GRK1: variants seen among roughly 807,000 people sequenced by gnomAD.
The protein encoded by GRK1 is rhodopsin kinase GRK1.
In GRK1, 28 loss-of-function variants were observed where a neutral mutation model predicts 41.7. The ratio of observed to expected loss-of-function variants is 0.67; its 90% confidence interval spans 0.50 to 0.92. The LOEUF (loss-of-function observed/expected upper bound fraction) is 0.92, where lower values mean the gene tolerates loss of function less well. Among genes scored for constraint, GRK1 ranks in the 40% least tolerant of loss-of-function variants. The pLI, the probability that GRK1 is intolerant of heterozygous loss-of-function variation, is 0.00. For synonymous variants in GRK1, 327 were observed against 286.7 expected, an observed-to-expected ratio of 1.14 and a Z score of -1.42; for missense variants, 703 against 671.2, an observed-to-expected ratio of 1.05 and a Z score of -0.52.
At chr13:113,666,578 C>T (rs2049820736), upstream of GRK1, among the ~76,000 whole-genome samples, 1 of 152,088 alleles carries the variant, frequency 6.6e-6, no homozygotes, top group African/African-American at 2.4e-5. Flanking sequence ...CATATGCGTC[C>T]CTCTGAGTGG....
intron 4 of GRK1, among the ~76,000 whole-genome samples, chr13:113,724,403 G>C (rs1223574079): frequency 6.6e-6 from 1 of 152,224 alleles, no homozygotes; most frequent in East Asian, 1.9e-4. Flanking sequence ...GGTTGTTTTG[G>C]CTGTGGGGAG....
At chr13:113,723,271 TG>T (rs1487144472) in intron 4 of GRK1, 114 bp downstream of exon 4, 2 of 540,698 alleles carry the variant, frequency 3.7e-6, no homozygotes, top group Non-Finnish European at 6.9e-6. Context: ...TAGGTGTGTC[TG>T]TGTGCACATG....
chr13:113,659,684 C>T, the GRK1 span, among the ~76,000 whole-genome samples: 1 of 152,136 alleles, frequency 6.6e-6, no homozygotes, highest in Non-Finnish European at 1.5e-5. Flanking sequence ...CCTCCCACCT[C>T]GGCCTCCCAA....
In GRK1 at chr13:113,669,691, C is replaced by T; in HGVS notation, c.704C>T (p.Ala235Val). ...RLKKRKGYQG[A>V]MVEKKILMKV... is the part of the protein sequence containing the mutation. ...ACTCAGCGTCTCACTTTTCAGGGTG[C>T]TATGGTGGAGAAGAAGATTCTGATG... Residue 235 changes from alanine (A) to valine (V), a missense_variant, in exon 2 of 7, where the codon GCT (alanine) becomes GTT (valine). Coordinates refer to ENST00000335678, the MANE Select transcript of GRK1 (RefSeq NM_002929.3). 1.2e-6 allele frequency: 2 copies of T among 1,613,946 alleles called. No individual in the cohort carries two copies. The highest frequency in any genetic ancestry group is 1.7e-6 in the Non-Finnish European group (2 of 1,179,830).
the GRK1 span, chr13:113,654,906 A>G: frequency 5.0e-6 from 8 of 1,614,238 alleles, no homozygotes; most frequent in Non-Finnish European, 6.8e-6. Context: ...CCCAGTCATC[A>G]CCACGTAGAA....
At chr13:113,661,260 G>A in the GRK1 span, among the ~76,000 whole-genome samples, 1 of 151,986 alleles carries the variant, frequency 6.6e-6, no homozygotes, top group Non-Finnish European at 1.5e-5. Flanking sequence ...AGTCAAAAAG[G>A]AAGTTTCAAG....
the GRK1 span, chr13:113,651,659 G>A: frequency 6.6e-5 from 106 of 1,607,972 alleles, no homozygotes; most frequent in South Asian, 7.1e-4. Flanking sequence ...CCCGCCGCGC[G>A]GCCGTACTCA....
intron 6 of GRK1, among the ~76,000 whole-genome samples, chr13:113,733,501 G>A (rs1416621914): frequency 7.3e-6 from 1 of 137,272 alleles, no homozygotes; most frequent in African/African-American, 2.9e-5. Context: ...GTGTGTGTAT[G>A]TGTGTGCACG....
the GRK1 span, chr13:113,654,918 G>C: frequency 2.5e-6 from 4 of 1,614,198 alleles, no homozygotes; most frequent in South Asian, 3.3e-5. Flanking sequence ...CACGTAGAAG[G>C]CCACGTAGTA....
chr13:113,733,813 ACGTGTGTGCGTGTGTGTG>A (rs2049969071), intron 6 of GRK1, among the ~76,000 whole-genome samples: 1 of 68,768 alleles, frequency 1.5e-5, no homozygotes, highest in African/African-American at 5.9e-5. Context: ...CTGTGTGCAT[ACGTGTGTGCGTGTGTGTG>A]CACGTGCGTG....
chr13:113,649,318 G>A, the GRK1 span: 1 of 1,543,986 alleles, frequency 6.5e-7, no homozygotes, highest in Non-Finnish European at 8.8e-7. The surrounding 1 kb of genome is among the most constrained non-coding windows in gnomAD (Gnocchi z 4.7). Context: ...AGCCCAACCA[G>A]GAGGGTGTCC....
chr13:113,654,287 C>T, the GRK1 span, among the ~76,000 whole-genome samples: 2 of 152,242 alleles, frequency 1.3e-5, no homozygotes, highest in African/African-American at 2.4e-5. Flanking sequence ...TGCACTTGCT[C>T]TGCACACCGA....
At position 113,671,161 on chromosome 13, in the gene GRK1, C is replaced by A. The variant is rs193299253; in HGVS notation, c.828-338C>A. 6.6e-6 allele frequency among the ~76,000 whole-genome samples: 1 copy of A among 152,194 alleles called. No individual in the cohort carries two copies. Among genetic ancestry groups the A allele is most frequent in the Non-Finnish European group, 1.5e-5 (1 of 68,028 alleles). On this transcript the variant is annotated intron_variant, in intron 2 of 6. Transcript: ENST00000335678. This position sits in a 1 kb window ranked among gnomAD's most constrained non-coding sequence, Gnocchi z 4.1. ...ATGAGTCTGATGAACTTGGGGCCTG[C>A]GGAGCTGCATCCCACCTCGGCCTCG... is the stretch of plus-strand genomic sequence containing the variant.
chr13:113,657,370 G>C, the GRK1 span, among the ~76,000 whole-genome samples: 1 of 152,236 alleles, frequency 6.6e-6, no homozygotes, highest in African/African-American at 2.4e-5. Context: ...TAAGGGGTGA[G>C]GGCGTTTCCC....
intron 3 of GRK1, among the ~76,000 whole-genome samples, chr13:113,672,426 G>A (rs2049863906): frequency 7.0e-6 from 1 of 142,378 alleles, no homozygotes; most frequent in African/African-American, 2.9e-5. Flanking sequence ...GTGTGTTCGT[G>A]GTGTGGTGTG....
the GRK1 span, among the ~76,000 whole-genome samples, chr13:113,661,108 G>A: frequency 6.6e-6 from 1 of 152,198 alleles, no homozygotes; most frequent in East Asian, 1.9e-4. Context: ...GGGCCATAAA[G>A]GAAGTCTTAG....
intron 3 of GRK1, among the ~76,000 whole-genome samples, chr13:113,672,440 G>A (rs954410718): frequency 6.6e-6 from 1 of 152,190 alleles, no homozygotes; most frequent in Non-Finnish European, 1.5e-5. Context: ...TGGTGTGTGT[G>A]GTATGTGTGG....
Position 113,667,620 on chromosome 13 carries a change from G to A in GRK1, c.234G>A (p.Ser78=), listed in dbSNP as rs572018519. ...AGCTCTTTCAGCAGTTCCTACAATCGGCAGAGAAGCACCTGCCGGCCCTGG... is the reference window on the plus strand; with the variant it reads ...AGCTCTTTCAGCAGTTCCTACAATCAGCAGAGAAGCACCTGCCGGCCCTGG... The part of the protein sequence containing the change: ...GKKLFQQFLQ[S]AEKHLPALEL... The change falls in exon 1 of 7, where the codon TCG becomes TCA. Residue 78 remains serine, a synonymous_variant. Coordinates refer to ENST00000335678, the MANE Select transcript of GRK1 (RefSeq NM_002929.3). The surrounding 1 kb of genome is among the most constrained non-coding windows in gnomAD (Gnocchi z 7.5). The A allele has an allele frequency of 1.7e-5, 28 of 1,613,504 alleles. No homozygotes were observed. In the Middle Eastern group the frequency reaches 4.9e-4, roughly 29 times the overall value.
chr13:113,735,510 C>G lies in GRK1; in HGVS notation c.*147C>G. ...CCCCATCACGCCATCTCCTTGCGGC[C>G]CAAGGAGGAGAAAGCCCACATCGGC... On this transcript the variant is annotated 3_prime_UTR_variant, in exon 7 of 7. Transcript: ENST00000335678. The G allele has an allele frequency of 1.1e-6, 1 of 896,024 alleles. No homozygotes were observed. The highest frequency in any genetic ancestry group is 1.6e-6 in the Non-Finnish European group (1 of 633,452). 55.5% of individuals were successfully genotyped at this position (896,024 alleles called of 1,614,324 possible).
Sources: allele counts gnomAD v4.1 joint callset (sites outside exome capture counted in the v4.1 genomes callset), GRCh38; gene constraint gnomAD v4.1.1; non-coding constraint Gnocchi (gnomAD v3.1); transcripts MANE v1.5; gene names NCBI Gene and HGNC (gene_info 2026-07-23, HGNC 2026-07-21).